The following MMP26 variants were observed in gnomAD, a reference collection of about 807,000 sequenced individuals.
MMP26 encodes the protein matrix metallopeptidase 26.
MMP26 carries 33 observed loss-of-function variants against 31.0 expected under a neutral mutation model. That is an observed-to-expected ratio of 1.06 (90% confidence interval 0.81 to 1.42). The LOEUF (loss-of-function observed/expected upper bound fraction) is 1.42. Ranked by LOEUF, MMP26 falls within the 40% of genes most tolerant of loss-of-function variation. MMP26 has a pLI of 0.00. For synonymous variants in MMP26, 122 were observed against 114.9 expected, an observed-to-expected ratio of 1.06 and a Z score of -0.40; for missense variants, 347 against 316.1, an observed-to-expected ratio of 1.10 and a Z score of -0.74.
chr11:4,791,973 G>A (rs1038717247), intron 2 of MMP26, among the ~76,000 whole-genome samples: 3 of 151,888 alleles, frequency 2.0e-5, no homozygotes, highest in African/African-American at 7.3e-5. Context: ...AGTAGATTGT[G>A]AGATTTTATA....
intron 2 of MMP26, among the ~76,000 whole-genome samples, chr11:4,819,618 A>C: frequency 8.8e-6 from 1 of 113,686 alleles, no homozygotes; most frequent in African/African-American, 3.6e-5. Flanking sequence ...TCTCTCTGTC[A>C]CTCAGGCTGG....
intron 2 of MMP26, among the ~76,000 whole-genome samples, chr11:4,772,376 G>C (rs530446256): frequency 6.6e-6 from 1 of 152,200 alleles, no homozygotes; most frequent in East Asian, 1.9e-4. Flanking sequence ...TGTTCACTGG[G>C]ATCATTATGG....
At chr11:4,713,968 C>T (rs969954541) in intron 1 of MMP26, among the ~76,000 whole-genome samples, 1 of 152,134 alleles carries the variant, frequency 6.6e-6, no homozygotes, top group Non-Finnish European at 1.5e-5. Flanking sequence ...AAGCTTCATA[C>T]TCTGGGGGCT....
intron 1 of MMP26, among the ~76,000 whole-genome samples, chr11:4,722,265 A>C (rs903260181): frequency 2.0e-5 from 3 of 151,972 alleles, no homozygotes; most frequent in Non-Finnish European, 4.4e-5. Context: ...TCATTTTTTC[A>C]CTGGCATCTC....
At position 4,859,569 on chromosome 11, in the gene MMP26, A is replaced by G. The variant is rs1255448027; in HGVS notation, c.-145+92228A>G. Reference sequence around the variant, plus strand: ...GGAAAATTAAATAATTAATTCTTCCAGTGGATACTTACTCTGCTTCTTACA... The same window carrying G: ...GGAAAATTAAATAATTAATTCTTCCGGTGGATACTTACTCTGCTTCTTACA... On this transcript the variant is annotated intron_variant, in intron 2 of 7. Coordinates refer to ENST00000380390, the MANE Select transcript of MMP26 (RefSeq NM_021801.5). The G allele has an allele frequency of 8.0e-6, 3 of 376,348 alleles. No homozygotes were observed. In the Admixed American group the frequency reaches 1.1e-4, roughly 14 times the overall value. 23.3% of individuals were successfully genotyped at this position (376,348 alleles called of 1,614,324 possible). A position where few individuals can be genotyped will look rare whatever the true frequency, so the allele number is the denominator to read the frequency against.
chr11:4,774,425 C>A (rs962096271), intron 2 of MMP26, among the ~76,000 whole-genome samples: 4 of 152,100 alleles, frequency 2.6e-5, no homozygotes, highest in African/African-American at 9.7e-5. Context: ...TGAATGTCTT[C>A]TTTTGAGAAG....
At chr11:4,772,234 G>T (rs572887130) in intron 2 of MMP26, among the ~76,000 whole-genome samples, 2 of 151,318 alleles carry the variant, frequency 1.3e-5, no homozygotes, top group Non-Finnish European at 1.5e-5. Context: ...GACATTAAAT[G>T]CAGAGGAAAA....
chr11:4,971,690 G>GCTATAAAGCA (rs1846668218), intron 2 of MMP26, among the ~76,000 whole-genome samples: 1 of 152,116 alleles, frequency 6.6e-6, no homozygotes, highest in South Asian at 2.1e-4. Flanking sequence ...CTCAGTCTAG[G>GCTATAAAGCA]TACTTTATAG....
intron 2 of MMP26, chr11:4,908,199 A>G: frequency 1.2e-6 from 2 of 1,614,154 alleles, no homozygotes; most frequent in East Asian, 2.2e-5. Context: ...CTTATTGCAG[A>G]TATGTTCTTG....
chr11:4,959,556 G>T (rs11825694), intron 2 of MMP26, among the ~76,000 whole-genome samples: 2,209 of 152,172 alleles, frequency 0.015, 59 homozygotes, highest in African/African-American at 0.05. Context: ...GTCCTCTGTT[G>T]CACGGGTCTA....
chr11:4,765,015 G>A (rs895377366), intron 1 of MMP26, among the ~76,000 whole-genome samples: 14 of 152,184 alleles, frequency 9.2e-5, no homozygotes, highest in African/African-American at 2.7e-4. Flanking sequence ...ACCCACAGCT[G>A]CTCTGGCTTC....
intron 1 of MMP26, among the ~76,000 whole-genome samples, chr11:4,713,335 A>G (rs1433974038): frequency 6.6e-6 from 1 of 152,100 alleles, no homozygotes; most frequent in African/African-American, 2.4e-5. Flanking sequence ...CTGTCTCCCT[A>G]TTTAGCTTCA....
chr11:4,759,111 CAAAA>C (rs989730402), intron 1 of MMP26, among the ~76,000 whole-genome samples: 3 of 43,206 alleles, frequency 6.9e-5, no homozygotes, highest in Non-Finnish European at 1.4e-4. Context: ...CATTCCATCT[CAAAA>C]AAAAAAAAAA....
At chr11:4,856,277 A>G (rs968439408) in intron 2 of MMP26, among the ~76,000 whole-genome samples, 1 of 152,170 alleles carries the variant, frequency 6.6e-6, no homozygotes, top group Non-Finnish European at 1.5e-5. Flanking sequence ...ACAGACTGGC[A>G]AATTGGATAA....
chr11:4,942,969 T>C (rs1305468051), intron 2 of MMP26: 1 of 152,252 alleles, frequency 6.6e-6, no homozygotes, highest in Non-Finnish European at 1.5e-5. Context: ...GATGCTTAGG[T>C]TGTACAGACA....
At chr11:4,938,340 G>C (rs1846158196) in intron 2 of MMP26, 2 of 151,902 alleles carry the variant, frequency 1.3e-5, no homozygotes, top group African/African-American at 4.8e-5. Context: ...CAGTGCAGTT[G>C]GAAATTTCTT....
Position 4,975,218 on chromosome 11 carries a change from A to C in MMP26, c.-144-12850A>C, listed in dbSNP as rs142385629. 4.2e-4 allele frequency among the ~76,000 whole-genome samples: 64 copies of C among 152,208 alleles called. 1 individual carries two copies. In the East Asian group the frequency reaches 0.012, roughly 28 times the overall value. On this transcript the variant is annotated intron_variant, in intron 2 of 7. Transcript: ENST00000380390. ...AGAAAAAAATCAGGCAAGTGTTAAG[A>C]TAATATTTACCTAGAGTTTGGAAGA...
intron 2 of MMP26, among the ~76,000 whole-genome samples, chr11:4,980,416 T>A (rs1846795945): frequency 6.6e-6 from 1 of 152,042 alleles, no homozygotes; most frequent in Non-Finnish European, 1.5e-5. Flanking sequence ...TGGGGTAACA[T>A]TACATGAAGG....
intron 2 of MMP26, among the ~76,000 whole-genome samples, chr11:4,803,169 TTTA>T (rs1195046810): frequency 6.6e-6 from 1 of 152,182 alleles, no homozygotes. Context: ...TATTCACTGA[TTTA>T]ATAGGTAAAA....
Sources: allele counts gnomAD v4.1 joint callset (sites outside exome capture counted in the v4.1 genomes callset), GRCh38; gene constraint gnomAD v4.1.1; transcripts MANE v1.5; gene names NCBI Gene and HGNC (gene_info 2026-07-23, HGNC 2026-07-21).